The following RHOA variants were observed in gnomAD, a reference collection of about 807,000 sequenced individuals.
The protein encoded by RHOA is transforming protein RhoA.
RHOA carries 3 observed loss-of-function variants against 17.5 expected under a neutral mutation model. The ratio of observed to expected loss-of-function variants is 0.17; its 90% CI spans 0.08 to 0.44. The LOEUF (loss-of-function observed/expected upper bound fraction) is 0.44. Ranked by LOEUF, RHOA falls within the 20% of genes least tolerant of loss-of-function variation. The probability of loss-of-function intolerance (pLI) is 0.99; values close to 1 mark genes in which losing one functional copy is unlikely to be tolerated. For missense variants in RHOA, 56 were observed against 242.3 expected (o/e 0.23, Z 5.10); for synonymous variants, 98 against 88.4 (o/e 1.11, Z -0.61).
intron 1 of RHOA, among the ~76,000 whole-genome samples, chr3:49,391,484 C>T (rs1031323247): frequency 2.6e-5 from 4 of 152,084 alleles, no homozygotes; most frequent in African/African-American, 9.7e-5. Context: ...GGATTGCATT[C>T]AATCCTACAA....
chr3:49,399,476 G>A (rs368872866), intron 1 of RHOA, among the ~76,000 whole-genome samples: 10 of 152,104 alleles, frequency 6.6e-5, no homozygotes, highest in South Asian at 2.1e-4. Flanking sequence ...GTGTAATGGC[G>A]GGATACATAG....
intron 1 of RHOA, among the ~76,000 whole-genome samples, chr3:49,407,008 T>TCA (rs955247369): frequency 3.3e-5 from 5 of 150,450 alleles, no homozygotes; most frequent in Middle Eastern, 3.5e-3. Context: ...TCGGGCATGG[T>TCA]CACACACACA....
At chr3:49,360,990 T>C in intron 4 of RHOA, 1 of 287,508 alleles carries the variant, frequency 3.5e-6, no homozygotes, top group Non-Finnish European at 7.2e-6. Context: ...GGGGAATCGC[T>C]TAAATCTGGG....
intron 1 of RHOA, among the ~76,000 whole-genome samples, chr3:49,387,640 G>T (rs1458664838): frequency 6.6e-6 from 1 of 151,246 alleles, no homozygotes; most frequent in African/African-American, 2.4e-5. Context: ...AGCTACTCAG[G>T]AGGCTGAGGT....
At chr3:49,364,863 T>C (rs1000155692) in intron 3 of RHOA, among the ~76,000 whole-genome samples, 5 of 151,386 alleles carry the variant, frequency 3.3e-5, no homozygotes, top group Non-Finnish European at 7.4e-5. Flanking sequence ...TCCCAGCTAC[T>C]TGGGAGGCTG....
Position 49,397,708 on chromosome 3 carries a change from G to C in RHOA, c.-3+14112C>G, listed in dbSNP as rs371827473. On this transcript the variant is annotated intron_variant, in intron 1 of 4. Transcript: ENST00000418115. ...TGATGATGCAGGAGAGCAGAGAACT[G>C]CTAGAGCAACATTACGAGATTAGAG... Among the ~76,000 whole-genome samples, 2 of 152,176 alleles carry C rather than the reference G, an allele frequency of 1.3e-5. 1 individual carries two copies. The highest frequency in any genetic ancestry group is 4.8e-5 in the African/African-American group (2 of 41,512).
intron 1 of RHOA, chr3:49,406,901 C>CCTTG (rs746347093): frequency 6.6e-6 from 1 of 151,984 alleles, no homozygotes; most frequent in Non-Finnish European, 1.5e-5. Context: ...CCTTGGGAGG[C>CCTTG]CAAGGTGGGT....
At position 49,360,261 on chromosome 3, in the gene RHOA, G is replaced by A. The variant is rs1235700523; in HGVS notation, c.530C>T (p.Ala177Val). ...CTTCCCACGTCTAGCTTGCAGAGCA[G>A]CTCTCGTAGCCATTTCAAAAACCTC... ...VREVFEMATR[A>V]ALQARRGKKK... is the part of the protein sequence containing the mutation. Residue 177 changes from alanine to valine, a missense_variant, in exon 5 of 5, where the codon GCT (alanine) becomes GTT (valine). Coordinates refer to ENST00000418115, the MANE Select transcript of RHOA (RefSeq NM_001664.4). 1 of 1,614,074 alleles carries A rather than the reference G, an allele frequency of 6.2e-7. No homozygotes were observed. The highest frequency in any genetic ancestry group is 8.5e-7 in the Non-Finnish European group (1 of 1,180,014).
At chr3:49,392,129 A>G (rs2048522564) in intron 1 of RHOA, among the ~76,000 whole-genome samples, 1 of 152,088 alleles carries the variant, frequency 6.6e-6, no homozygotes, top group South Asian at 2.1e-4. Context: ...CACATGGCCA[A>G]TTAATTTATC....
At chr3:49,392,392 T>C (rs1199612567) in intron 1 of RHOA, among the ~76,000 whole-genome samples, 4 of 152,150 alleles carry the variant, frequency 2.6e-5, no homozygotes, top group Non-Finnish European at 4.4e-5. Context: ...CAGTGAGCCA[T>C]GATCATACCA....
intron 2 of RHOA, among the ~76,000 whole-genome samples, chr3:49,374,122 G>A (rs192035629): frequency 2.0e-5 from 3 of 148,014 alleles, no homozygotes; most frequent in East Asian, 4.1e-4. Flanking sequence ...AGGCCGAGAC[G>A]GGCAGATCAC....
chr3:49,378,443 T>TG (rs2048268267), intron 1 of RHOA, among the ~76,000 whole-genome samples: 1 of 151,880 alleles, frequency 6.6e-6, no homozygotes, highest in Admixed American at 6.6e-5. Flanking sequence ...GACAGGGTTT[T>TG]GCCATGTTTC....
intron 1 of RHOA, among the ~76,000 whole-genome samples, chr3:49,400,512 C>T (rs1385392777): frequency 7.2e-5 from 11 of 152,120 alleles, no homozygotes; most frequent in Non-Finnish European, 1.5e-4. Context: ...TCTTTCAGTG[C>T]TGTTTCATGC....
chr3:49,374,420 T>C (rs1021395015), intron 2 of RHOA, among the ~76,000 whole-genome samples: 2 of 150,224 alleles, frequency 1.3e-5, no homozygotes, highest in Admixed American at 1.3e-4. Context: ...ATACGTAAAC[T>C]TGAAAAGAGC....
chr3:49,376,629 T>C (rs9847585), intron 1 of RHOA, among the ~76,000 whole-genome samples: 100,811 of 134,098 alleles, frequency 0.75, 37,488 homozygotes, highest in East Asian at 0.99. Flanking sequence ...GGGGACAGAG[T>C]AAGACTCCAT....
intron 1 of RHOA, among the ~76,000 whole-genome samples, chr3:49,385,443 T>C (rs2048381632): frequency 6.6e-6 from 1 of 152,048 alleles, no homozygotes; most frequent in Non-Finnish European, 1.5e-5. Context: ...CTCAAACTCC[T>C]GACCTCAGGT....
At chr3:49,375,970 T>C (rs768176475) in intron 1 of RHOA, among the ~76,000 whole-genome samples, 3 of 151,984 alleles carry the variant, frequency 2.0e-5, no homozygotes, top group Non-Finnish European at 4.4e-5. Context: ...TGCCTCAGAC[T>C]CCCAAGTAGC....
Position 49,362,616 on chromosome 3 carries a change from T to C in RHOA, c.288A>G (p.Pro96=), listed in dbSNP as rs1282021102. ...GCTTGACTTCTGGGGTCCACTTTTC[T>C]GGGATGTTTTCTGAAAGAAAAATGT... is the stretch of plus-strand genomic sequence containing the variant. ...IDSPDSLENI[P]EKWTPEVKHF... is the part of the protein sequence containing the mutation. Residue 96 remains proline (P), a synonymous_variant, in exon 4 of 5, where the codon CCA becomes CCG. Coordinates refer to ENST00000418115, the MANE Select transcript of RHOA (RefSeq NM_001664.4). The C allele has an allele frequency of 1.9e-6, 3 of 1,610,738 alleles. No individual in the cohort carries two copies. The highest frequency in any genetic ancestry group is 2.5e-6 in the Non-Finnish European group (3 of 1,178,388).
At chr3:49,389,172 T>C (rs1275811731) in intron 1 of RHOA, among the ~76,000 whole-genome samples, 2 of 150,654 alleles carry the variant, frequency 1.3e-5, no homozygotes, top group Non-Finnish European at 3.0e-5. Flanking sequence ...TGAAACCCCA[T>C]CTCTACAAAA....
Sources: gnomAD v4.1 joint callset for allele counts (sites outside exome capture counted in the v4.1 genomes callset) on GRCh38, gnomAD v4.1.1 for gene constraint, MANE v1.5 for transcripts, NCBI Gene and HGNC (gene_info 2026-07-23, HGNC 2026-07-21) for gene names.